CSMD1: variants seen among roughly 807,000 people sequenced by gnomAD.
CSMD1 encodes the protein CUB and Sushi multiple domains 1, also known as CUB and sushi domain-containing protein 1.
In CSMD1, 213 loss-of-function variants were observed where a neutral mutation model predicts 417.5. The observed-to-expected ratio is 0.51, with a 90% CI of 0.46 to 0.57. CSMD1 has a LOEUF of 0.57. CSMD1 is among the 20% of genes least tolerant of loss of function. The pLI, the probability that CSMD1 is intolerant of heterozygous loss-of-function variation, is 0.00. For synonymous variants in CSMD1, 2,862 were observed against 1,736.8 expected (o/e 1.65, Z -16.11); for missense variants, 6,923 against 4,529.7 (o/e 1.53, Z -15.17).
intron 1 of CSMD1, among the ~76,000 whole-genome samples, chr8:4,678,015 T>C (rs1262307131): frequency 6.6e-6 from 1 of 151,944 alleles, no homozygotes; most frequent in Non-Finnish European, 1.5e-5. Flanking sequence ...AACAAACAAA[T>C]ATAAAACCAA....
intron 3 of CSMD1, among the ~76,000 whole-genome samples, chr8:4,356,300 T>G (rs954948258): frequency 1.3e-5 from 2 of 150,952 alleles, no homozygotes; most frequent in African/African-American, 2.4e-5. Context: ...CATTCCTTAT[T>G]ATGGCTAAGT....
At chr8:3,532,120 TC>T (rs2117513860) in intron 10 of CSMD1, among the ~76,000 whole-genome samples, 1 of 152,328 alleles carries the variant, frequency 6.6e-6, no homozygotes, top group East Asian at 1.9e-4. Flanking sequence ...ACATTTTTTT[TC>T]TGGGACTCCT....
At chr8:4,167,136 G>C (rs539252702) in intron 3 of CSMD1, among the ~76,000 whole-genome samples, 2 of 152,246 alleles carry the variant, frequency 1.3e-5, no homozygotes, top group Admixed American at 1.3e-4. Flanking sequence ...ATGTTACTTA[G>C]GTGACATTTT....
At chr8:4,035,684 T>A (rs1395765167) in intron 3 of CSMD1, among the ~76,000 whole-genome samples, 1 of 152,218 alleles carries the variant, frequency 6.6e-6, no homozygotes, top group Non-Finnish European at 1.5e-5. Flanking sequence ...TTTGCACAAC[T>A]GTGCAAGGTT....
chr8:3,699,801 A>C (rs1224762391), intron 7 of CSMD1, among the ~76,000 whole-genome samples: 2 of 152,182 alleles, frequency 1.3e-5, no homozygotes, highest in Admixed American at 1.3e-4. Context: ...AAATATAAAA[A>C]TCTAATTGAA....
chr8:3,553,495 C>T (rs968105822), intron 10 of CSMD1, among the ~76,000 whole-genome samples: 5 of 152,194 alleles, frequency 3.3e-5, no homozygotes, highest in African/African-American at 9.7e-5. Flanking sequence ...CCTAAGACAG[C>T]TGCGTCAAAT....
chr8:3,618,065 A>C (rs1349046246), intron 7 of CSMD1, among the ~76,000 whole-genome samples: 1 of 152,126 alleles, frequency 6.6e-6, no homozygotes, highest in Non-Finnish European at 1.5e-5. Flanking sequence ...GCAGTGGCAC[A>C]ATCATGGATC....
intron 3 of CSMD1, among the ~76,000 whole-genome samples, chr8:4,281,680 T>C (rs1447445846): frequency 2.6e-5 from 4 of 152,236 alleles, no homozygotes; most frequent in African/African-American, 9.6e-5. Context: ...AACATCTGTA[T>C]GTGATAACAT....
chr8:4,019,562 G>C (rs191225814), intron 4 of CSMD1, among the ~76,000 whole-genome samples: 5 of 152,134 alleles, frequency 3.3e-5, no homozygotes, highest in East Asian at 1.9e-4. Flanking sequence ...CTGAGCTGTC[G>C]TATCTGTGTT....
chr8:4,279,177 G>A (rs577221175), intron 3 of CSMD1, among the ~76,000 whole-genome samples: 37 of 151,996 alleles, frequency 2.4e-4, no homozygotes, highest in South Asian at 4.1e-4. Context: ...GCCAAGCTTC[G>A]TCTGTCTCTG....
intron 1 of CSMD1, among the ~76,000 whole-genome samples, chr8:4,908,112 C>T (rs565686129): frequency 6.6e-6 from 1 of 152,096 alleles, no homozygotes; most frequent in South Asian, 2.1e-4. Flanking sequence ...TTCACTTTTG[C>T]AGTATAATTT....
intron 1 of CSMD1, among the ~76,000 whole-genome samples, chr8:4,638,514 C>T (rs755667183): frequency 6.6e-6 from 1 of 152,214 alleles, no homozygotes; most frequent in African/African-American, 2.4e-5. Context: ...ACTGTAACAA[C>T]ATCCTCACTA....
chr8:3,996,934 T>C (rs987474645), intron 5 of CSMD1, among the ~76,000 whole-genome samples: 1 of 152,174 alleles, frequency 6.6e-6, no homozygotes, highest in Non-Finnish European at 1.5e-5. Context: ...TTTGACATGT[T>C]TGTCTGGTAG....
At chr8:3,900,105 G>C (rs966959766) in intron 5 of CSMD1, among the ~76,000 whole-genome samples, 1 of 151,966 alleles carries the variant, frequency 6.6e-6, no homozygotes, top group Non-Finnish European at 1.5e-5. Flanking sequence ...GGTGCAGCTG[G>C]TTGGCACTGT....
At chr8:4,444,676 T>G (rs986552074) in intron 2 of CSMD1, among the ~76,000 whole-genome samples, 1 of 152,160 alleles carries the variant, frequency 6.6e-6, no homozygotes, top group African/African-American at 2.4e-5. Flanking sequence ...GATGACATGT[T>G]GAAAACATCA....
intron 2 of CSMD1, among the ~76,000 whole-genome samples, chr8:4,440,159 CG>C (rs1353822649): frequency 6.6e-6 from 1 of 152,094 alleles, no homozygotes; most frequent in Non-Finnish European, 1.5e-5. Context: ...CTAATTTGGA[CG>C]TTTCTTTCTA....
rs188558842 is a variant in CSMD1 at position 4,160,553 on chromosome 8, A to G, written c.416-128454T>C. ...GGAAAAGGAGATTTTCAGGTGATTT[A>G]AATATCCACGTTTCTCATCTTGCAT... On this transcript the variant is annotated intron_variant, in intron 3 of 69. Transcript: ENST00000635120. 7.9e-5 allele frequency among the ~76,000 whole-genome samples: 12 copies of G among 152,348 alleles called. No homozygotes were observed. The East Asian group carries it at 2.3e-3, about 29-fold the overall frequency.
intron 7 of CSMD1, among the ~76,000 whole-genome samples, chr8:3,658,786 A>C (rs1287908587): frequency 1.3e-5 from 2 of 152,126 alleles, no homozygotes; most frequent in Non-Finnish European, 2.9e-5. Flanking sequence ...CCACCTCAAA[A>C]AATAAAAATA....
At chr8:3,655,747 G>C (rs941850207) in intron 7 of CSMD1, among the ~76,000 whole-genome samples, 1 of 151,572 alleles carries the variant, frequency 6.6e-6, no homozygotes, top group Non-Finnish European at 1.5e-5. Context: ...CATGCTCATT[G>C]GGAAATTAGC....
Sources: allele counts gnomAD v4.1 joint callset (sites outside exome capture counted in the v4.1 genomes callset), GRCh38; gene constraint gnomAD v4.1.1; transcripts MANE v1.5; gene names NCBI Gene and HGNC (gene_info 2026-07-23, HGNC 2026-07-21).